Variants in CTBP2 observed in about 807,000 individuals in gnomAD.
CTBP2 encodes the protein C-terminal binding protein 2, also known as C-terminal-binding protein 2.
In CTBP2, 30 loss-of-function variants were observed where a neutral mutation model predicts 80.3. The observed-to-expected ratio is 0.37, with a 90% CI of 0.28 to 0.51. The LOEUF (loss-of-function observed/expected upper bound fraction) is 0.51, where lower values mean the gene tolerates loss of function less well. Among genes scored for constraint, CTBP2 ranks in the 20% least tolerant of loss-of-function variants. The pLI is 0.93. For missense variants in CTBP2, 1,212 were observed against 1,375.3 expected (o/e 0.88, Z 1.88); for synonymous variants, 594 against 587.4 (o/e 1.01, Z -0.16).
rs1564744434 is a variant in CTBP2, at chr10:125,027,507, AC to A, written c.252del (p.Ser85LeufsTer14). 1 of 1,613,716 alleles carries A rather than the reference AC, an allele frequency of 6.2e-7. No individual in the cohort carries two copies. Among genetic ancestry groups the A allele is most frequent in the Non-Finnish European group, 8.5e-7 (1 of 1,179,946 alleles). On this transcript the variant is annotated frameshift_variant, in exon 1 of 9. Transcript: ENST00000309035. LOFTEE classifies it high-confidence loss of function. ...TCGTAGAAGGTGAAGTCAGGAGTAG[AC>A]CCCTTTCTTGCAGCCACTGAGTTAT...
At chr10:125,129,878 C>A (rs536305685) in intron 1 of CTBP2, among the ~76,000 whole-genome samples, 6 of 152,184 alleles carry the variant, frequency 3.9e-5, no homozygotes, top group South Asian at 2.1e-4. Context: ...AGGACACGGT[C>A]AGGGTTGTTT....
intron 1 of CTBP2, among the ~76,000 whole-genome samples, chr10:125,146,969 C>G (rs1476018837): frequency 6.6e-6 from 1 of 152,170 alleles, no homozygotes; most frequent in Non-Finnish European, 1.5e-5. Context: ...CACAGCAGAT[C>G]TGCCACCCAG....
At chr10:125,117,449 C>T (rs1490104213) in intron 1 of CTBP2, among the ~76,000 whole-genome samples, 7 of 152,268 alleles carry the variant, frequency 4.6e-5, no homozygotes, top group South Asian at 4.2e-4. Context: ...CACAGCTCAA[C>T]GTTGCCTGGG....
upstream of CTBP2, among the ~76,000 whole-genome samples, chr10:125,031,821 C>G (rs964026914): frequency 7.2e-5 from 11 of 152,232 alleles, no homozygotes; most frequent in African/African-American, 2.7e-4. Flanking sequence ...TGGGCACCCA[C>G]GCAACGCGCC....
intron 1 of CTBP2, among the ~76,000 whole-genome samples, chr10:125,021,384 T>C (rs3781420): frequency 0.89 from 135,807 of 152,212 alleles, 61,567 homozygotes; most frequent in Non-Finnish European, 0.97. Context: ...CTTCGGGCCA[T>C]GCATTCAACT....
intron 1 of CTBP2, among the ~76,000 whole-genome samples, chr10:125,141,140 CAA>C (rs111428779): frequency 1.2e-4 from 16 of 128,734 alleles, no homozygotes; most frequent in Admixed American, 1.5e-4. Flanking sequence ...GAGACTCTGT[CAA>C]AAAAAAAAAA....
intron 1 of CTBP2, among the ~76,000 whole-genome samples, chr10:125,156,773 T>C (rs1215988839): frequency 6.6e-6 from 1 of 152,252 alleles, no homozygotes; most frequent in African/African-American, 2.4e-5. Flanking sequence ...GCTGTTTGTT[T>C]GTTTCATTTA....
chr10:124,991,698 C>T (rs1052202955), intron 8 of CTBP2, among the ~76,000 whole-genome samples: 6 of 152,148 alleles, frequency 3.9e-5, no homozygotes, highest in African/African-American at 1.2e-4. Context: ...TGCCGCTGAA[C>T]GTCCTACAAT....
chr10:125,105,142 G>A (rs1237240677), intron 2 of CTBP2, among the ~76,000 whole-genome samples: 2 of 151,940 alleles, frequency 1.3e-5, no homozygotes, highest in African/African-American at 2.4e-5. Context: ...CCGCCACCTG[G>A]CCGAGTTTTA....
intron 1 of CTBP2, among the ~76,000 whole-genome samples, chr10:125,118,519 AT>A (rs1164046135): frequency 1.3e-5 from 2 of 152,172 alleles, no homozygotes; most frequent in African/African-American, 4.8e-5. Context: ...CATTTTGTGA[AT>A]TCAAGCTGCA....
chr10:124,992,619 C>T (rs1322341442), intron 8 of CTBP2, 76 bp downstream of exon 10: 7 of 1,086,768 alleles, frequency 6.4e-6, no homozygotes, highest in Non-Finnish European at 9.4e-6. Flanking sequence ...TAAGCTTCCG[C>T]CAAGTTTGGG....
rs775494980 is a variant in CTBP2, at chr10:125,003,341, C to T, written c.1830G>A (p.Glu610=). The change falls in exon 2 of 9, where the codon GAG becomes GAA. Residue 610 remains glutamate, a synonymous_variant. Transcript: ENST00000309035. ...CGGCCGGGCAGGGTGGGCCCACCTT[C>T]TCGTGGATTTCCTGCGTCGACTGCG... 3.7e-6 allele frequency: 6 copies of T among 1,608,202 alleles called. No homozygotes were observed. The African/African-American group carries it at 4.0e-5, about 11-fold the overall frequency.
rs1472574273 is a variant in CTBP2, at chr10:125,003,452, G to A, written c.1719C>T (p.Arg573=). The change falls in exon 2 of 9, where the codon CGC becomes CGT. Residue 573 remains arginine, a synonymous_variant. Transcript: ENST00000309035. Reference sequence around the variant, plus strand: ...GGCCGTCCAGCAGCGCCACCAGGGGGCGGGGGTGCAGGGGGCCGTTCATGA... The same window carrying A: ...GGCCGTCCAGCAGCGCCACCAGGGGACGGGGGTGCAGGGGGCCGTTCATGA... 6.3e-7 allele frequency: 1 copy of A among 1,583,382 alleles called. No individual in the cohort carries two copies. Among genetic ancestry groups the A allele is most frequent in the African/African-American group, 1.4e-5 (1 of 72,992 alleles).
chr10:125,108,335 T>G (rs759141448), intron 2 of CTBP2, among the ~76,000 whole-genome samples: 2 of 152,234 alleles, frequency 1.3e-5, no homozygotes, highest in African/African-American at 2.4e-5. Context: ...AAGAAAATAC[T>G]AAGAGGGCAA....
intron 3 of CTBP2, among the ~76,000 whole-genome samples, chr10:125,002,106 C>T (rs1486404069): frequency 6.6e-6 from 1 of 152,222 alleles, no homozygotes; most frequent in Non-Finnish European, 1.5e-5. Context: ...GGCCAGGCTG[C>T]TGCCTTGGAA....
At chr10:125,116,149 C>T (rs761667223) in intron 1 of CTBP2, among the ~76,000 whole-genome samples, 10 of 152,158 alleles carry the variant, frequency 6.6e-5, no homozygotes, top group Admixed American at 2.0e-4. Flanking sequence ...ACTCCAGGCC[C>T]GAACCCAGCA....
intron 1 of CTBP2, among the ~76,000 whole-genome samples, chr10:125,007,551 G>A (rs1052973401): frequency 6.6e-6 from 1 of 152,052 alleles, no homozygotes; most frequent in Admixed American, 6.5e-5. Context: ...GGAAGGATCC[G>A]GAGCTGGAAA....
At chr10:125,053,240 C>CG in intron 2 of CTBP2, among the ~76,000 whole-genome samples, 1 of 152,190 alleles carries the variant, frequency 6.6e-6, no homozygotes, top group Non-Finnish European at 1.5e-5. Context: ...TCTGGAGGGC[C>CG]GGGGCTCCCT....
intron 3 of CTBP2, 22 bp from the exon 6 acceptor site, chr10:124,998,192 C>T: frequency 6.3e-7 from 1 of 1,584,632 alleles, no homozygotes. Context: ...GAGGCCAAGG[C>T]CGGAGATGAG....
Sources: gnomAD v4.1 joint callset for allele counts (sites outside exome capture counted in the v4.1 genomes callset) on GRCh38, gnomAD v4.1.1 for gene constraint, MANE v1.5 for transcripts, NCBI Gene and HGNC (gene_info 2026-07-23, HGNC 2026-07-21) for gene names.